Variants in LTBP1 observed in about 807,000 individuals in gnomAD.
LTBP1 encodes latent transforming growth factor beta binding protein 1.
A neutral mutation model predicts 207.6 loss-of-function variants in LTBP1; 129 were observed. The observed-to-expected ratio is 0.62, with a 90% CI of 0.54 to 0.72. The LOEUF (loss-of-function observed/expected upper bound fraction) is 0.72. LTBP1 is among the 30% of genes least tolerant of loss of function. The pLI is 0.00. For synonymous variants in LTBP1, 963 were observed against 833.7 expected (o/e 1.16, Z -2.67); for missense variants, 2,281 against 2,217.2 (o/e 1.03, Z -0.58).
intron 28 of LTBP1, 131 bp downstream of exon 28, chr2:33,361,646 C>T (rs538449793): frequency 3.0e-5 from 17 of 566,158 alleles, no homozygotes; most frequent in Non-Finnish European, 4.8e-5. Flanking sequence ...GTCCTTAATT[C>T]TACCATTAAA....
rs572803922 is a variant in LTBP1, at chr2:33,098,566, T to G, written c.864-12016T>G. ...CCCTGCCTCAGCCTCCTGAGCAGCT[T>G]GGACTACAGGCGCATGCCACCACAC... On this transcript the variant is annotated intron_variant, in intron 3 of 33. Transcript: ENST00000404816. Among the ~76,000 whole-genome samples, 648 of 152,016 alleles carry G rather than the reference T, an allele frequency of 4.3e-3. 5 individuals are homozygous for G. The highest frequency in any genetic ancestry group is 0.014 in the African/African-American group (597 of 41,474).
intron 5 of LTBP1, among the ~76,000 whole-genome samples, chr2:33,138,321 G>A (rs1302461987): frequency 1.3e-5 from 2 of 152,188 alleles, no homozygotes; most frequent in African/African-American, 4.8e-5. Context: ...AATGAATATG[G>A]TATCCAAAGG....
intron 2 of LTBP1, among the ~76,000 whole-genome samples, chr2:32,983,665 A>G (rs13409353): frequency 0.033 from 4,976 of 152,266 alleles, 264 homozygotes; most frequent in African/African-American, 0.11. Flanking sequence ...GTGATAGTGA[A>G]TAAGTCTCAG....
At chr2:32,956,808 C>T (rs150659) in intron 2 of LTBP1, among the ~76,000 whole-genome samples, 89,357 of 151,926 alleles carry the variant, frequency 0.59, 27,267 homozygotes, top group Non-Finnish European at 0.66. Flanking sequence ...ATTTCTCAAA[C>T]AAGAAGACTT....
chr2:33,335,627 A>G (rs1175363511), intron 24 of LTBP1, among the ~76,000 whole-genome samples: 1 of 152,130 alleles, frequency 6.6e-6, no homozygotes, highest in Non-Finnish European at 1.5e-5. Context: ...CTTCCGCTTA[A>G]TGCTGGCTTC....
intron 5 of LTBP1, among the ~76,000 whole-genome samples, chr2:33,149,041 C>A (rs574081227): frequency 2.5e-4 from 38 of 151,876 alleles, no homozygotes; most frequent in African/African-American, 8.7e-4. Flanking sequence ...AGTGAAACCC[C>A]GTCTCTACTA....
intron 3 of LTBP1, among the ~76,000 whole-genome samples, chr2:33,021,960 T>G (rs1050537608): frequency 3.3e-5 from 5 of 152,222 alleles, no homozygotes; most frequent in Non-Finnish European, 5.9e-5. Flanking sequence ...GATAATAAGA[T>G]GCAGAATGTA....
At chr2:32,979,493 A>G (rs1682422902) in intron 2 of LTBP1, among the ~76,000 whole-genome samples, 1 of 152,042 alleles carries the variant, frequency 6.6e-6, no homozygotes, top group African/African-American at 2.4e-5. Context: ...ATGTGTTTGT[A>G]TAGTTTCCAA....
At chr2:33,131,749 T>G (rs2081812056) in intron 4 of LTBP1, among the ~76,000 whole-genome samples, 1 of 152,236 alleles carries the variant, frequency 6.6e-6, no homozygotes, top group Non-Finnish European at 1.5e-5. Context: ...AGCTTCTGCT[T>G]CCAAGAAGAT....
At chr2:32,953,112 C>A (rs1415184126) in intron 2 of LTBP1, among the ~76,000 whole-genome samples, 2 of 152,326 alleles carry the variant, frequency 1.3e-5, no homozygotes, top group East Asian at 3.9e-4. Flanking sequence ...CATTGGCATT[C>A]AGCCCATGCT....
intron 9 of LTBP1, among the ~76,000 whole-genome samples, chr2:33,222,551 C>T (rs1485076228): frequency 2.0e-5 from 3 of 152,296 alleles, no homozygotes; most frequent in South Asian, 4.1e-4. Flanking sequence ...TCCCTTTTCT[C>T]CTCTCATCAA....
At chr2:33,152,022 A>G (rs918413137) in intron 5 of LTBP1, among the ~76,000 whole-genome samples, 1 of 152,162 alleles carries the variant, frequency 6.6e-6, no homozygotes, top group Non-Finnish European at 1.5e-5. Flanking sequence ...GAATTTTGTG[A>G]CTAAGAACCC....
chr2:33,280,356 A>T (rs2148553092), intron 19 of LTBP1, among the ~76,000 whole-genome samples, 198 bp downstream of exon 19: 1 of 152,342 alleles, frequency 6.6e-6, no homozygotes, highest in Middle Eastern at 3.4e-3. Context: ...AAGATTCTCG[A>T]TGGGGAAAAT....
At chr2:33,074,262 G>C (rs1284675451) in intron 3 of LTBP1, among the ~76,000 whole-genome samples, 1 of 152,210 alleles carries the variant, frequency 6.6e-6, no homozygotes, top group Non-Finnish European at 1.5e-5. Context: ...AACCGGGGCT[G>C]ATCTGCCCAA....
intron 31 of LTBP1, among the ~76,000 whole-genome samples, chr2:33,378,731 C>T (rs1416781763): frequency 2.0e-5 from 3 of 152,168 alleles, no homozygotes; most frequent in East Asian, 1.9e-4. Flanking sequence ...CTCTTCTTAA[C>T]GAACCTAATA....
intron 3 of LTBP1, among the ~76,000 whole-genome samples, chr2:33,024,222 A>G (rs989031800): frequency 3.3e-5 from 5 of 152,260 alleles, no homozygotes; most frequent in Admixed American, 1.3e-4. Context: ...GATAAATGAC[A>G]TAATTAAAAT....
intron 3 of LTBP1, among the ~76,000 whole-genome samples, chr2:33,043,057 T>G (rs1387155328): frequency 1.3e-5 from 2 of 152,210 alleles, no homozygotes; most frequent in East Asian, 3.9e-4. Context: ...AGAGCTCTTC[T>G]CAGCCTCAGG....
intron 10 of LTBP1, among the ~76,000 whole-genome samples, chr2:33,251,827 C>G (rs1445449125): frequency 1.3e-5 from 2 of 152,070 alleles, no homozygotes; most frequent in African/African-American, 2.4e-5. Context: ...TTGGCCTGAC[C>G]TGGACCTGGT....
At chr2:32,966,272 C>G (rs1679992579) in intron 2 of LTBP1, among the ~76,000 whole-genome samples, 1 of 152,112 alleles carries the variant, frequency 6.6e-6, no homozygotes, top group Non-Finnish European at 1.5e-5. Context: ...TTTTCTTCCA[C>G]TCTGTGTCTT....
Sources: gnomAD v4.1 joint callset for allele counts (sites outside exome capture counted in the v4.1 genomes callset) on GRCh38, gnomAD v4.1.1 for gene constraint, MANE v1.5 for transcripts, NCBI Gene and HGNC (gene_info 2026-07-23, HGNC 2026-07-21) for gene names.